Variants in NFIC observed in about 807,000 individuals in gnomAD.
NFIC encodes the protein nuclear factor 1 C-type.
NFIC carries 12 observed loss-of-function variants against 54.4 expected under a neutral mutation model. The observed-to-expected ratio is 0.22, with a 90% CI of 0.14 to 0.36. The LOEUF (loss-of-function observed/expected upper bound fraction) is 0.36, where lower values mean the gene tolerates loss of function less well. NFIC is among the 10% of genes least tolerant of loss of function. NFIC has a pLI of 1.00. For synonymous variants in NFIC, 322 were observed against 319.2 expected (o/e 1.01, Z -0.09); for missense variants, 575 against 718.2 (o/e 0.80, Z 2.28).
At position 3,452,433 on chromosome 19, in the gene NFIC, A is replaced by G; in HGVS notation, c.1085-49A>G. ...ACACACAGTCACACGGTCACAGAGC[A>G]GACCGGCTGGAGCCCCCAAGTAACC... On this transcript the variant is annotated intron_variant, in intron 7 of 10. Transcript: ENST00000443272. This position sits in a 1 kb window ranked among gnomAD's most constrained non-coding sequence, Gnocchi z 5.3. The G allele has an allele frequency of 6.3e-7, 1 of 1,598,864 alleles. No homozygotes were observed. The highest frequency in any genetic ancestry group is 8.5e-7 in the Non-Finnish European group (1 of 1,174,518).
chr19:3,391,943 G>A (rs983227029), intron 2 of NFIC, among the ~76,000 whole-genome samples: 5 of 152,006 alleles, frequency 3.3e-5, no homozygotes, highest in Non-Finnish European at 7.4e-5. Flanking sequence ...TGTGGTTCTC[G>A]TCCAGCTCTG....
In NFIC at chr19:3,464,528, C is replaced by T; in HGVS notation, c.*1759C>T. 3 of 414,148 alleles carry T rather than the reference C, an allele frequency of 7.2e-6. No individual in the cohort carries two copies. The highest frequency in any genetic ancestry group is 2.0e-4 in the East Asian group (1 of 5,044). 25.7% of individuals were successfully genotyped at this position (414,148 alleles called of 1,614,324 possible). ...TCAAACACAAGGACCCCTCCCCGGC[C>T]CACCCAGCCCAGCCCCAACTGACCT... On this transcript the variant is annotated 3_prime_UTR_variant, in exon 11 of 11. Transcript: ENST00000443272.
At chr19:3,399,115 T>C (rs1472595539) in intron 2 of NFIC, among the ~76,000 whole-genome samples, 3 of 152,120 alleles carry the variant, frequency 2.0e-5, no homozygotes, top group Non-Finnish European at 4.4e-5. Flanking sequence ...TTCTGCACAG[T>C]GGGGCAATGC....
At chr19:3,422,305 C>T (rs1192050994) in intron 2 of NFIC, among the ~76,000 whole-genome samples, 7 of 151,606 alleles carry the variant, frequency 4.6e-5, no homozygotes, top group Admixed American at 1.3e-4. Context: ...AACTCCTGGC[C>T]TCAAGCGATC....
intron 1 of NFIC, among the ~76,000 whole-genome samples, chr19:3,377,395 G>A (rs764773219): frequency 4.2e-5 from 6 of 144,312 alleles, no homozygotes; most frequent in Admixed American, 2.1e-4. Context: ...AACAATCATC[G>A]CATCATTAAT....
At chr19:3,438,277 A>AT (rs2145641944) in intron 6 of NFIC, among the ~76,000 whole-genome samples, 1 of 133,356 alleles carries the variant, frequency 7.5e-6, no homozygotes, top group East Asian at 5.0e-4. Context: ...GGTGGTAGCA[A>AT]TGGGGGGAGG....
At chr19:3,408,520 C>T (rs980564774) in intron 2 of NFIC, among the ~76,000 whole-genome samples, 17 of 152,186 alleles carry the variant, frequency 1.1e-4, no homozygotes, top group African/African-American at 4.1e-4. Flanking sequence ...TAGCTCATCG[C>T]AGCCTCAAAC....
intron 6 of NFIC, among the ~76,000 whole-genome samples, chr19:3,437,293 G>A (rs781053491): frequency 2.0e-5 from 3 of 152,022 alleles, no homozygotes; most frequent in Non-Finnish European, 2.9e-5. Context: ...GCATGAACCC[G>A]GGAGGCGGAG....
In NFIC at chr19:3,370,771, C is replaced by T. The variant is rs2080993472; in HGVS notation, c.30+4105C>T. Among the ~76,000 whole-genome samples the T allele has an allele frequency of 6.6e-6, 1 of 151,956 alleles. No homozygotes were observed. The highest frequency in any genetic ancestry group is 6.6e-5 in the Admixed American group (1 of 15,262). ...CTCTCTCTCTGTCTCTCTGAGCTGG[C>T]CTCCCTCCCTGTCTCACACCAAATG... On this transcript the variant is annotated intron_variant, in intron 1 of 10. Coordinates refer to ENST00000443272, the MANE Select transcript of NFIC (RefSeq NM_001245002.2). The surrounding 1 kb of genome is among the most constrained non-coding windows in gnomAD (Gnocchi z 5.2).
rs767201065 is a variant in NFIC at position 3,381,750 on chromosome 19, C to T, written c.69C>T (p.His23=). 1.9e-6 allele frequency: 3 copies of T among 1,613,848 alleles called. No individual in the cohort carries two copies. The highest frequency in any genetic ancestry group is 2.5e-6 in the Non-Finnish European group (3 of 1,179,946). ...CGTTCATCGAGGCCCTGCTGCCTCA[C>T]GTCCGCGCCTTCGCCTACACCTGGT... ...FHPFIEALLP[H]VRAFAYTWFN... is the part of the protein sequence containing the mutation. The change falls in exon 2 of 11, where the codon CAC becomes CAT. Residue 23 remains histidine (H), a synonymous_variant. Transcript: ENST00000443272.
chr19:3,360,300 G>A (rs2080794018), intron 1 of NFIC, among the ~76,000 whole-genome samples: 1 of 146,830 alleles, frequency 6.8e-6, no homozygotes, highest in East Asian at 2.0e-4. Context: ...CAGCCGCCCC[G>A]CCTGCCCTCG....
rs1012318106 is a variant in NFIC at position 3,376,767 on chromosome 19, T to C, written c.31-4945T>C. 1.5e-4 allele frequency among the ~76,000 whole-genome samples: 23 copies of C among 152,194 alleles called. No individual in the cohort carries two copies. The South Asian group carries it at 2.7e-3, about 18-fold the overall frequency. ...TTTTGAGACGGAGTCTCGCTCTTGT[T>C]GCCCAGGCTGGAGTGCAATGGCGCG... On this transcript the variant is annotated intron_variant, in intron 1 of 10. Coordinates refer to ENST00000443272, the MANE Select transcript of NFIC (RefSeq NM_001245002.2).
intron 6 of NFIC, among the ~76,000 whole-genome samples, chr19:3,445,936 C>T (rs1256003666): frequency 3.3e-5 from 5 of 151,978 alleles, no homozygotes; most frequent in African/African-American, 1.2e-4. Context: ...TGGGGACATC[C>T]GTGGTTGTCC....
intron 6 of NFIC, among the ~76,000 whole-genome samples, 185 bp from the exon 7 acceptor site, chr19:3,448,829 C>T (rs2145672968): frequency 6.6e-6 from 1 of 152,298 alleles, no homozygotes; most frequent in East Asian, 1.9e-4. Context: ...CTAGCCCCTT[C>T]TCTGCTCTGA....
intron 1 of NFIC, among the ~76,000 whole-genome samples, chr19:3,368,758 G>T (rs1403148525): frequency 6.6e-6 from 1 of 152,182 alleles, no homozygotes; most frequent in Admixed American, 6.5e-5. Flanking sequence ...GGGGTGGGCT[G>T]GGGGACTCAG....
At chr19:3,373,946 G>A (rs1396260596) in intron 1 of NFIC, among the ~76,000 whole-genome samples, 4 of 152,232 alleles carry the variant, frequency 2.6e-5, no homozygotes, top group Non-Finnish European at 5.9e-5. Context: ...CCCAAGGTTA[G>A]AGCCTGACGC....
chr19:3,437,932 G>A (rs1186055494), intron 6 of NFIC, among the ~76,000 whole-genome samples: 2 of 152,028 alleles, frequency 1.3e-5, no homozygotes, highest in Non-Finnish European at 2.9e-5. Flanking sequence ...CCAACCTCAA[G>A]TGATCCGCCC....
intron 2 of NFIC, among the ~76,000 whole-genome samples, chr19:3,384,591 G>A (rs2081264253): frequency 6.6e-6 from 1 of 152,138 alleles, no homozygotes; most frequent in Admixed American, 6.6e-5. Flanking sequence ...GTTTCACCAT[G>A]TTGGCCAGGC....
intron 2 of NFIC, among the ~76,000 whole-genome samples, chr19:3,385,873 T>C (rs2081288482): frequency 6.7e-6 from 1 of 149,902 alleles, no homozygotes; most frequent in African/African-American, 2.5e-5. Context: ...CAACTGGCCT[T>C]GTTTTTTGTT....
Sources: allele counts gnomAD v4.1 joint callset (sites outside exome capture counted in the v4.1 genomes callset), GRCh38; gene constraint gnomAD v4.1.1; non-coding constraint Gnocchi (gnomAD v3.1); transcripts MANE v1.5; gene names NCBI Gene and HGNC (gene_info 2026-07-23, HGNC 2026-07-21).